Variants in DRC11 observed in about 807,000 individuals in gnomAD.
DRC11 encodes IQ and AAA domain-containing protein 1.
the DRC11 span, among the ~76,000 whole-genome samples, chr2:236,480,269 A>AT: frequency 1.3e-5 from 2 of 151,898 alleles, no homozygotes; most frequent in Non-Finnish European, 2.9e-5. Flanking sequence ...ATACTTGGAT[A>AT]TTTTTATCTT....
chr2:236,434,909 G>GA, the DRC11 span, among the ~76,000 whole-genome samples: 4 of 152,236 alleles, frequency 2.6e-5, no homozygotes, highest in Non-Finnish European at 4.4e-5. This position sits in a 1 kb window ranked among gnomAD's most constrained non-coding sequence, Gnocchi z 5.5. Flanking sequence ...TAAAAAAAGT[G>GA]AAACAACCCC....
chr2:236,493,043 T>C, the DRC11 span, among the ~76,000 whole-genome samples: 1 of 152,154 alleles, frequency 6.6e-6, no homozygotes, highest in Non-Finnish European at 1.5e-5. Flanking sequence ...GACTGGGCAA[T>C]TTACAAAAGA....
the DRC11 span, among the ~76,000 whole-genome samples, chr2:236,481,498 A>T: frequency 1.3e-5 from 2 of 151,858 alleles, no homozygotes; most frequent in East Asian, 3.9e-4. Flanking sequence ...CTTAAATCTG[A>T]GTTATGGGAC....
At chr2:236,450,614 G>A in the DRC11 span, among the ~76,000 whole-genome samples, 4 of 152,014 alleles carry the variant, frequency 2.6e-5, no homozygotes, top group African/African-American at 7.2e-5. Context: ...CACAATGCCC[G>A]GCCTATTCAG....
At chr2:236,443,810 T>C in the DRC11 span, among the ~76,000 whole-genome samples, 1 of 152,034 alleles carries the variant, frequency 6.6e-6, no homozygotes, top group Non-Finnish European at 1.5e-5. The surrounding 1 kb of genome is among the most constrained non-coding windows in gnomAD (Gnocchi z 4.4). Flanking sequence ...CTTCCATAAT[T>C]TCCTTCCACA....
chr2:236,462,107 C>A, the DRC11 span, among the ~76,000 whole-genome samples: 1 of 152,018 alleles, frequency 6.6e-6, no homozygotes, highest in African/African-American at 2.4e-5. The surrounding 1 kb of genome is among the most constrained non-coding windows in gnomAD (Gnocchi z 6.4). Context: ...AACTTCGAGG[C>A]GGTGCTCATC....
At chr2:236,338,165 C>A in the DRC11 span, 2 of 1,589,770 alleles carry the variant, frequency 1.3e-6, no homozygotes, top group Non-Finnish European at 1.7e-6. Context: ...GACAGCCCAG[C>A]CTCAGCTATC....
chr2:236,327,333 T>C, the DRC11 span, among the ~76,000 whole-genome samples: 2 of 152,328 alleles, frequency 1.3e-5, no homozygotes, highest in Non-Finnish European at 2.9e-5. Context: ...CTTGGCTCAC[T>C]GCGACCTCTA....
the DRC11 span, among the ~76,000 whole-genome samples, chr2:236,351,090 G>A: frequency 3.3e-5 from 5 of 152,204 alleles, no homozygotes; most frequent in Non-Finnish European, 5.9e-5. This position sits in a 1 kb window ranked among gnomAD's most constrained non-coding sequence, Gnocchi z 7.3. Context: ...GGCCCTGAAC[G>A]TAGAATGAAG....
chr2:236,498,117 C>T, the DRC11 span, among the ~76,000 whole-genome samples: 1 of 152,054 alleles, frequency 6.6e-6, no homozygotes, highest in African/African-American at 2.4e-5. Context: ...AAAAGGCAAC[C>T]ACTAAGAATC....
At chr2:236,491,136 TATACAGTATATATATAC>T in the DRC11 span, among the ~76,000 whole-genome samples, 2 of 106,046 alleles carry the variant, frequency 1.9e-5, no homozygotes, top group Non-Finnish European at 3.6e-5. Flanking sequence ...TATATATATA[TATACAGTATATATATAC>T]ACACAGTATA....
chr2:236,402,297 A>G, the DRC11 span, among the ~76,000 whole-genome samples: 1 of 152,226 alleles, frequency 6.6e-6, no homozygotes, highest in Non-Finnish European at 1.5e-5. The surrounding 1 kb of genome is among the most constrained non-coding windows in gnomAD (Gnocchi z 6.0). Flanking sequence ...CAGCTCACTC[A>G]GAGGACACAC....
the DRC11 span, among the ~76,000 whole-genome samples, chr2:236,342,349 C>G: frequency 1.1e-4 from 16 of 152,306 alleles, no homozygotes; most frequent in African/African-American, 3.8e-4. The surrounding 1 kb of genome is among the most constrained non-coding windows in gnomAD (Gnocchi z 5.8). Context: ...CAATGAGGAG[C>G]AGGTTACGAT....
At chr2:236,362,540 T>A in the DRC11 span, among the ~76,000 whole-genome samples, 1 of 152,218 alleles carries the variant, frequency 6.6e-6, no homozygotes, top group African/African-American at 2.4e-5. This position sits in a 1 kb window ranked among gnomAD's most constrained non-coding sequence, Gnocchi z 5.7. Context: ...ACATACACCA[T>A]ACAAAATACG....
chr2:236,374,755 AC>A, the DRC11 span, among the ~76,000 whole-genome samples: 2 of 151,564 alleles, frequency 1.3e-5, no homozygotes, highest in African/African-American at 4.9e-5. Context: ...CAATGGCGTG[AC>A]CTTGGCTCAC....
At chr2:236,359,261 G>A in the DRC11 span, among the ~76,000 whole-genome samples, 2 of 151,964 alleles carry the variant, frequency 1.3e-5, no homozygotes, top group Admixed American at 6.6e-5. The surrounding 1 kb of genome is among the most constrained non-coding windows in gnomAD (Gnocchi z 4.3). Context: ...TCATTTACTT[G>A]TAGATACATT....
At chr2:236,333,114 G>C in the DRC11 span, 2 of 152,198 alleles carry the variant, frequency 1.3e-5, no homozygotes, top group Non-Finnish European at 2.9e-5. The surrounding 1 kb of genome is among the most constrained non-coding windows in gnomAD (Gnocchi z 6.0). Context: ...TTTGTAAAGC[G>C]CTTGGAAGTG....
the DRC11 span, among the ~76,000 whole-genome samples, chr2:236,455,285 C>T: frequency 6.6e-6 from 1 of 152,204 alleles, no homozygotes; most frequent in Admixed American, 6.5e-5. This position sits in a 1 kb window ranked among gnomAD's most constrained non-coding sequence, Gnocchi z 5.7. Flanking sequence ...TCCAGCCTCG[C>T]CTATTATGAG....
the DRC11 span, among the ~76,000 whole-genome samples, chr2:236,477,399 GCAT>G: frequency 2.6e-5 from 4 of 152,198 alleles, no homozygotes; most frequent in Admixed American, 6.5e-5. Context: ...AAGTAGAAGT[GCAT>G]CATCATAAAA....
Sources: allele counts gnomAD v4.1 joint callset (sites outside exome capture counted in the v4.1 genomes callset), GRCh38; gene constraint gnomAD v4.1.1; non-coding constraint Gnocchi (gnomAD v3.1); transcripts MANE v1.5; gene names NCBI Gene and HGNC (gene_info 2026-07-23, HGNC 2026-07-21).